INPP4A: variants seen among roughly 807,000 people sequenced by gnomAD.
INPP4A encodes inositol polyphosphate-4-phosphatase, type I, 107kD.
A neutral mutation model predicts 119.8 loss-of-function variants in INPP4A; 33 were observed. The ratio of observed to expected loss-of-function variants is 0.28; its 90% CI spans 0.21 to 0.37. The LOEUF is 0.37. INPP4A is among the 10% of genes least tolerant of loss of function. INPP4A has a pLI of 1.00. For missense variants in INPP4A, 956 were observed against 1,289.9 expected (o/e 0.74, Z 3.97); for synonymous variants, 496 against 500.7 (o/e 0.99, Z 0.12).
rs571171072 is a variant in INPP4A at position 98,578,885 on chromosome 2, G to C, written c.2786+1742G>C. The stretch of plus-strand genomic sequence containing the variant: ...ATTTGGATACATACTGTCTAGATAA[G>C]AGACATGCGTACATGCCTATGGGCG... On this transcript the variant is annotated intron_variant, in intron 24 of 24. Transcript: ENST00000409851. Among the ~76,000 whole-genome samples, 7 of 152,332 alleles carry C rather than the reference G, an allele frequency of 4.6e-5. No homozygotes were observed. In the East Asian group the frequency reaches 1.3e-3, roughly 29 times the overall value.
intron 7 of INPP4A, among the ~76,000 whole-genome samples, chr2:98,536,852 T>TA (rs1382792339): frequency 6.6e-6 from 1 of 152,202 alleles, no homozygotes; most frequent in Non-Finnish European, 1.5e-5. Context: ...CTACTATAAG[T>TA]AAAGACAGTA....
At chr2:98,462,850 T>C (rs1055744202) in intron 1 of INPP4A, among the ~76,000 whole-genome samples, 1 of 152,060 alleles carries the variant, frequency 6.6e-6, no homozygotes, top group Admixed American at 6.5e-5. Flanking sequence ...TTTTATTTAT[T>C]TTTAATTTTT....
At chr2:98,520,551 T>A in intron 3 of INPP4A, 136 bp from the exon 4 acceptor site, 1 of 679,970 alleles carries the variant, frequency 1.5e-6, no homozygotes, top group Non-Finnish European at 2.6e-6. Flanking sequence ...ACAAAATATT[T>A]TTAAAATAAA....
At chr2:98,478,448 C>G (rs1449345475) in intron 1 of INPP4A, among the ~76,000 whole-genome samples, 3 of 152,210 alleles carry the variant, frequency 2.0e-5, no homozygotes, top group African/African-American at 7.2e-5. Flanking sequence ...CCTTGCAGTC[C>G]AGCTGAGTGC....
In INPP4A at chr2:98,564,558, C is replaced by T. The variant is rs569411031; in HGVS notation, c.2029-82C>T. The T allele has an allele frequency of 1.6e-3, 2,396 of 1,489,760 alleles. 5 individuals carry two copies. Among genetic ancestry groups the T allele is most frequent in the Non-Finnish European group, 2.1e-3 (2,227 of 1,082,548 alleles). The allele number at this position is 1,489,760 out of a possible 1,614,324, so 92.3% of individuals were successfully genotyped here. On this transcript the variant is annotated intron_variant, in intron 18 of 24. Transcript: ENST00000409851. ...GAGCAGTGGCAGCAGAGGAAGGGGG[C>T]GGTGGGGGGCTGGGCATGATCTGAC...
At chr2:98,494,145 CCAAGAAGA>C (rs1558942316) in intron 1 of INPP4A, among the ~76,000 whole-genome samples, 1 of 152,140 alleles carries the variant, frequency 6.6e-6, no homozygotes, top group African/African-American at 2.4e-5. Context: ...TGAAGAGTGA[CCAAGAAGA>C]CTGGGTTCCC....
intron 1 of INPP4A, among the ~76,000 whole-genome samples, chr2:98,482,635 G>C (rs1184711931): frequency 6.6e-6 from 1 of 152,222 alleles, no homozygotes; most frequent in Non-Finnish European, 1.5e-5. Flanking sequence ...GGAGGCCAGC[G>C]ACCAGCCAGT....
At chr2:98,468,774 GAGTTTAGCTGTA>G (rs966627859) in intron 1 of INPP4A, among the ~76,000 whole-genome samples, 2 of 152,144 alleles carry the variant, frequency 1.3e-5, no homozygotes, top group Non-Finnish European at 2.9e-5. Flanking sequence ...GCTGGACCAT[GAGTTTAGCTGTA>G]ACTAGATGCA....
chr2:98,549,346 T>C (rs1348982923), intron 13 of INPP4A, among the ~76,000 whole-genome samples: 1 of 152,158 alleles, frequency 6.6e-6, no homozygotes, highest in African/African-American at 2.4e-5. Context: ...CTTGTGGCTT[T>C]TCAGTTTTCA....
chr2:98,471,825 G>T (rs542455198), intron 1 of INPP4A, among the ~76,000 whole-genome samples: 9 of 152,280 alleles, frequency 5.9e-5, no homozygotes, highest in African/African-American at 2.2e-4. Context: ...CGTGGAGTTC[G>T]GGACTGTAGC....
chr2:98,477,627 C>G (rs1289760259), intron 1 of INPP4A, among the ~76,000 whole-genome samples: 13 of 152,246 alleles, frequency 8.5e-5, no homozygotes, highest in Non-Finnish European at 1.5e-5. Flanking sequence ...AGAAACTGCT[C>G]TCTCTTTGTG....
In INPP4A at chr2:98,538,920, G is replaced by T. The variant is rs907795556; in HGVS notation, c.609G>T (p.Thr203=). The stretch of plus-strand genomic sequence containing the variant: ...TTCTTCCTGTCGATGAGAGCTTGAC[G>T]GAGGCGTTAGGAATCCGATCCAAAT... ...RMVLPVDESL[T]EALGIRSKYA... is the part of the protein sequence containing the mutation. The change falls in exon 9 of 25, where the codon ACG becomes ACT. Residue 203 remains threonine, a synonymous_variant. Coordinates refer to ENST00000409851, the MANE Select transcript of INPP4A (RefSeq NM_001134225.2). 2 of 1,610,684 alleles carry T rather than the reference G, an allele frequency of 1.2e-6. No individual in the cohort carries two copies. The highest frequency in any genetic ancestry group is 8.5e-7 in the Non-Finnish European group (1 of 1,177,552).
At chr2:98,466,519 C>A (rs1299975747) in intron 1 of INPP4A, among the ~76,000 whole-genome samples, 1 of 152,232 alleles carries the variant, frequency 6.6e-6, no homozygotes, top group Non-Finnish European at 1.5e-5. Context: ...TTCATTTAAT[C>A]CTCTGGACAC....
chr2:98,540,006 C>T (rs188948340), intron 10 of INPP4A, among the ~76,000 whole-genome samples: 2 of 152,256 alleles, frequency 1.3e-5, no homozygotes, highest in Admixed American at 1.3e-4. Flanking sequence ...GATCTCAGCT[C>T]AATGCAGCCT....
rs555401536 is a variant in INPP4A, at chr2:98,579,281, C to G, written c.2786+2138C>G. 4.6e-5 allele frequency among the ~76,000 whole-genome samples: 7 copies of G among 152,302 alleles called. No individual in the cohort carries two copies. In the South Asian group the frequency reaches 1.4e-3, roughly 32 times the overall value. ...GGCCGGGATGTTCTCAAACTCCTGA[C>G]CTCAGGTGATCCGCCCACCTTGGCC... On this transcript the variant is annotated intron_variant, in intron 24 of 24. Transcript: ENST00000409851.
At chr2:98,511,034 C>T (rs183711292) in intron 1 of INPP4A, among the ~76,000 whole-genome samples, 1 of 152,186 alleles carries the variant, frequency 6.6e-6, no homozygotes, top group Admixed American at 6.5e-5. Context: ...GCATTGCCAG[C>T]ATGTTACTTC....
intron 1 of INPP4A, among the ~76,000 whole-genome samples, chr2:98,487,809 C>T (rs1387042532): frequency 6.6e-6 from 1 of 152,212 alleles, no homozygotes; most frequent in African/African-American, 2.4e-5. Context: ...GAGGAGCTGG[C>T]AAGCTCTGAT....
chr2:98,520,784 A>G, intron 4 of INPP4A, 53 bp downstream of exon 4: 2 of 1,005,524 alleles, frequency 2.0e-6, no homozygotes, highest in Non-Finnish European at 3.0e-6. Flanking sequence ...CTTAAAAATG[A>G]AAACAAAAAC....
In INPP4A at chr2:98,566,180, GCTC is replaced by G. The variant is rs545367056; in HGVS notation, c.2420+15_2420+17del. The stretch of plus-strand genomic sequence containing the variant: ...GACACTGGCCGAGAGGTGCGTGCCG[GCTC>G]CTCGGGGCTGCGGGGGTGTGGTGGC... On this transcript the variant is annotated intron_variant, in intron 21 of 24. Transcript: ENST00000409851. This position sits in a 1 kb window ranked among gnomAD's most constrained non-coding sequence, Gnocchi z 4.2. The G allele has an allele frequency of 2.9e-4, 450 of 1,569,344 alleles. 7 individuals carry two copies. In the East Asian group the frequency reaches 0.01, roughly 36 times the overall value.
Sources: gnomAD v4.1 joint callset for allele counts (sites outside exome capture counted in the v4.1 genomes callset) on GRCh38, gnomAD v4.1.1 for gene constraint, Gnocchi (gnomAD v3.1) non-coding constraint, MANE v1.5 for transcripts, NCBI Gene and HGNC (gene_info 2026-07-23, HGNC 2026-07-21) for gene names.